Variants in C6 observed in about 807,000 individuals in gnomAD.
The protein encoded by C6 is complement component C6.
Under a neutral mutation model 112.9 loss-of-function variants are expected in C6, and 101 were observed. The ratio of observed to expected loss-of-function variants is 0.89; its 90% CI spans 0.76 to 1.06. The LOEUF is 1.06. Ranked by LOEUF, C6 falls within the 50% of genes least tolerant of loss-of-function variation. The pLI is 0.00. For missense variants in C6, 1,202 were observed against 1,104.6 expected, an observed-to-expected ratio of 1.09 and a Z score of -1.25; for synonymous variants, 431 against 384.1, an observed-to-expected ratio of 1.12 and a Z score of -1.43.
At chr5:41,255,849 G>A (rs1741660471) in intron 1 of C6, among the ~76,000 whole-genome samples, 1 of 152,198 alleles carries the variant, frequency 6.6e-6, no homozygotes, top group Admixed American at 6.5e-5. Flanking sequence ...TATTTTTATA[G>A]TTCAGCCTCT....
rs189226292 is a variant in C6 at position 41,205,397 on chromosome 5, G to C, written c.-20-2147C>G. ...TGTCGGACAGTGGGCGCAGTCCATG[G>C]AGTGTGAGCTGAAGAAGGGCGGGAC... On this transcript the variant is annotated intron_variant, in intron 1 of 17. Coordinates refer to ENST00000337836, the MANE Select transcript of C6 (RefSeq NM_000065.5). Among the ~76,000 whole-genome samples the C allele has an allele frequency of 2.5e-3, 388 of 152,336 alleles. 1 individual carries two copies. The highest frequency in any genetic ancestry group is 6.8e-3 in the Middle Eastern group (2 of 294).
chr5:41,158,786 C>T lies in C6; in HGVS notation c.1857-1G>A. ...GTCATCATTGATACATGGTTGTCCA[C>T]TAAAAGGGAAACATAAATATGTGTG... On this transcript the variant is annotated splice_acceptor_variant, in intron 12 of 17. Coordinates refer to ENST00000337836, the MANE Select transcript of C6 (RefSeq NM_000065.5). LOFTEE classifies it high-confidence loss of function. The T allele has an allele frequency of 6.6e-7, 1 of 1,513,160 alleles. No homozygotes were observed. The highest frequency in any genetic ancestry group is 9.2e-7 in the Non-Finnish European group (1 of 1,088,310). The allele number at this position is 1,513,160 out of a possible 1,614,324, so 93.7% of individuals were successfully genotyped here. A position where few individuals can be genotyped will look rare whatever the true frequency, so the allele number is the denominator to read the frequency against.
chr5:41,184,083 A>G (rs543039247), intron 6 of C6, among the ~76,000 whole-genome samples: 3 of 152,152 alleles, frequency 2.0e-5, no homozygotes, highest in African/African-American at 7.2e-5. Context: ...TCACACAATA[A>G]AGCCAGGTGA....
chr5:41,166,374 C>A (rs758148654), intron 9 of C6, among the ~76,000 whole-genome samples: 1 of 151,894 alleles, frequency 6.6e-6, no homozygotes, highest in Non-Finnish European at 1.5e-5. Flanking sequence ...CCTCTCTATG[C>A]CTCTGTGTCC....
chr5:41,233,097 A>T (rs1740010169), intron 1 of C6, among the ~76,000 whole-genome samples: 2 of 152,114 alleles, frequency 1.3e-5, no homozygotes, highest in Admixed American at 1.3e-4. Flanking sequence ...TTAATTTGAC[A>T]ACATATTATA....
intron 7 of C6, among the ~76,000 whole-genome samples, chr5:41,176,948 T>TG (rs1409796404): frequency 6.6e-6 from 1 of 152,196 alleles, no homozygotes; most frequent in Non-Finnish European, 1.5e-5. Context: ...AACTGTGTAA[T>TG]GGGGGCACGT....
At chr5:41,236,955 G>A (rs1276846430) in intron 1 of C6, among the ~76,000 whole-genome samples, 4 of 151,608 alleles carry the variant, frequency 2.6e-5, no homozygotes, top group Non-Finnish European at 5.9e-5. Context: ...ACACCTCTAT[G>A]CAAATAAACT....
intron 1 of C6, among the ~76,000 whole-genome samples, chr5:41,236,234 C>T (rs1277142380): frequency 2.0e-5 from 2 of 101,682 alleles, no homozygotes; most frequent in African/African-American, 4.0e-5. Context: ...ATCTTTAATC[C>T]ATCTTGAATT....
chr5:41,164,630 G>C (rs529334328), intron 9 of C6, among the ~76,000 whole-genome samples: 7 of 152,182 alleles, frequency 4.6e-5, no homozygotes, highest in Non-Finnish European at 1.0e-4. Flanking sequence ...TAGCAGTATT[G>C]TGTCATCTGG....
chr5:41,204,912 G>A (rs988713368), intron 1 of C6, among the ~76,000 whole-genome samples: 8 of 151,960 alleles, frequency 5.3e-5, no homozygotes, highest in African/African-American at 1.9e-4. Context: ...CTCGTGATCA[G>A]CCCACCTCGG....
chr5:41,149,876 T>C, intron 16 of C6, 59 bp downstream of exon 16: 3 of 1,104,536 alleles, frequency 2.7e-6, no homozygotes, highest in African/African-American at 1.5e-5. Flanking sequence ...TTCCATCAAA[T>C]TGGTTACACT....
At chr5:41,244,725 T>TC in intron 1 of C6, among the ~76,000 whole-genome samples, 1 of 151,964 alleles carries the variant, frequency 6.6e-6, no homozygotes, top group Admixed American at 6.5e-5. Context: ...ATTTTTTTTT[T>TC]CCTTTAAATG....
chr5:41,259,056 T>C lies in C6; in HGVS notation c.-21+2138A>G, dbSNP rs143169825. ...AACTAACATGTTTATGGGTTTTAAG[T>C]TCACTAATAATGAACTGGAGTCTGG... On this transcript the variant is annotated intron_variant, in intron 1 of 17. Coordinates refer to the C6 transcript ENST00000263413. Among the ~76,000 whole-genome samples the C allele has an allele frequency of 8.5e-4, 130 of 152,272 alleles. 3 individuals are homozygous for C. In the East Asian group the frequency reaches 0.023, roughly 27 times the overall value.
At chr5:41,178,323 T>G (rs559123650) in intron 7 of C6, among the ~76,000 whole-genome samples, 41 of 152,288 alleles carry the variant, frequency 2.7e-4, no homozygotes, top group African/African-American at 9.6e-4. Context: ...AAATGTCTAG[T>G]TTGATCTGTG....
intron 15 of C6, among the ~76,000 whole-genome samples, chr5:41,151,056 T>G (rs973130467): frequency 1.3e-5 from 2 of 152,190 alleles, no homozygotes; most frequent in African/African-American, 4.8e-5. Flanking sequence ...GTCTTCATTT[T>G]ATAAATAGTA....
chr5:41,187,223 A>T (rs1178606892), intron 5 of C6, among the ~76,000 whole-genome samples: 1 of 152,158 alleles, frequency 6.6e-6, no homozygotes, highest in East Asian at 1.9e-4. Context: ...ACCCTTCAGT[A>T]CACCCATCCC....
chr5:41,191,941 T>C (rs1473717271), intron 5 of C6, among the ~76,000 whole-genome samples: 1 of 152,198 alleles, frequency 6.6e-6, no homozygotes, highest in Non-Finnish European at 1.5e-5. Flanking sequence ...TACAGGACTA[T>C]GCTGAATAAC....
At chr5:41,250,132 T>C (rs1741259065) in intron 1 of C6, among the ~76,000 whole-genome samples, 1 of 152,242 alleles carries the variant, frequency 6.6e-6, no homozygotes, top group Non-Finnish European at 1.5e-5. Context: ...ATTTAATATG[T>C]GGCTCCGGCT....
At chr5:41,215,211 T>C (rs187908114), upstream of C6, among the ~76,000 whole-genome samples, 373 of 152,182 alleles carry the variant, frequency 2.5e-3, 1 homozygote, top group African/African-American at 8.7e-3. Context: ...GCTACAATGG[T>C]AGAGTTAAGA....
Sources: gnomAD v4.1 joint callset for allele counts (sites outside exome capture counted in the v4.1 genomes callset) on GRCh38, gnomAD v4.1.1 for gene constraint, MANE v1.5 for transcripts, NCBI Gene and HGNC (gene_info 2026-07-23, HGNC 2026-07-21) for gene names.